NAV3: variants seen among roughly 807,000 people sequenced by gnomAD.
NAV3 encodes the protein pore membrane and/or filament interacting like protein 1.
In NAV3, 87 loss-of-function variants were observed where a neutral mutation model predicts 244.7. That is an observed-to-expected ratio of 0.36 (90% CI 0.30 to 0.42). NAV3 has a LOEUF of 0.42. Among genes scored for constraint, NAV3 ranks in the 20% least tolerant of loss-of-function variants. The probability of loss-of-function intolerance (pLI) is 1.00; values close to 1 mark genes in which losing one functional copy is unlikely to be tolerated. For synonymous variants in NAV3, 1,126 were observed against 1,042.2 expected, an observed-to-expected ratio of 1.08 and a Z score of -1.55; for missense variants, 2,663 against 2,893.3, an observed-to-expected ratio of 0.92 and a Z score of 1.83.
chr12:77,622,352 G>C (rs915631588), intron 2 of NAV3, among the ~76,000 whole-genome samples: 1 of 151,686 alleles, frequency 6.6e-6, no homozygotes. Context: ...GTAGAGACAG[G>C]GTTTCACCGT....
intron 22 of NAV3, among the ~76,000 whole-genome samples, chr12:78,153,223 G>A (rs1256141992): frequency 6.6e-6 from 1 of 151,974 alleles, no homozygotes; most frequent in African/African-American, 2.4e-5. Context: ...GCCCAAATGG[G>A]GTATGGTAAG....
intron 6 of NAV3, among the ~76,000 whole-genome samples, chr12:77,995,891 T>C (rs1391135549): frequency 6.6e-6 from 1 of 152,188 alleles, no homozygotes; most frequent in Non-Finnish European, 1.5e-5. Flanking sequence ...TTTTAAGTAC[T>C]GTATTTTGAT....
At chr12:78,008,569 GA>G (rs1274060446) in intron 8 of NAV3, among the ~76,000 whole-genome samples, 6 of 152,058 alleles carry the variant, frequency 3.9e-5, no homozygotes, top group African/African-American at 1.4e-4. Context: ...CTATAATTAA[GA>G]AAGGGTCAAA....
intron 2 of NAV3, among the ~76,000 whole-genome samples, chr12:77,689,822 G>A (rs1874923545): frequency 6.6e-6 from 1 of 151,742 alleles, no homozygotes; most frequent in South Asian, 2.1e-4. Context: ...AGTACTACTA[G>A]AATTTCATAA....
At chr12:77,797,507 C>T (rs895654039) in intron 2 of NAV3, among the ~76,000 whole-genome samples, 47 of 144,562 alleles carry the variant, frequency 3.3e-4, no homozygotes, top group African/African-American at 1.0e-3. Context: ...AAGTCTTAAA[C>T]GTAGAATCTT....
chr12:78,060,441 A>C (rs573871716), intron 12 of NAV3, among the ~76,000 whole-genome samples: 2 of 105,050 alleles, frequency 1.9e-5, no homozygotes, highest in South Asian at 6.1e-4. Context: ...TAGCCTATAT[A>C]CTCTTGTGTG....
chr12:78,148,840 A>C lies in NAV3; in HGVS notation c.4708-2A>C. ...TCCATTGATTTTTTTAATTGCATTC[A>C]GCAAATCCATAAACTGCGGAGAGAG... On this transcript the variant is annotated splice_acceptor_variant, in intron 21 of 39. Coordinates refer to ENST00000397909, the MANE Select transcript of NAV3 (RefSeq NM_001024383.2). LOFTEE classifies it high-confidence loss of function. The C allele has an allele frequency of 6.2e-7, 1 of 1,611,542 alleles. No homozygotes were observed. Among genetic ancestry groups the C allele is most frequent in the Non-Finnish European group, 8.5e-7 (1 of 1,178,692 alleles).
chr12:77,827,065 G>A (rs1314571225), upstream of NAV3, among the ~76,000 whole-genome samples: 2 of 151,646 alleles, frequency 1.3e-5, no homozygotes, highest in South Asian at 2.1e-4. Flanking sequence ...AAAAGCTGTC[G>A]CTACTAAAAA....
intron 2 of NAV3, among the ~76,000 whole-genome samples, chr12:77,710,054 C>T (rs1400241330): frequency 6.6e-6 from 1 of 152,124 alleles, no homozygotes; most frequent in East Asian, 1.9e-4. Flanking sequence ...CTATAGTAAT[C>T]TGTGTCTTAG....
Position 78,119,570 on chromosome 12 carries a change from T to G in NAV3, c.3374T>G (p.Leu1125Arg), listed in dbSNP as rs748904755. The G allele has an allele frequency of 6.2e-6, 10 of 1,614,186 alleles. No individual in the cohort carries two copies. Among genetic ancestry groups the G allele is most frequent in the African/African-American group, 1.3e-5 (1 of 75,050 alleles). Residue 1125 changes from leucine to arginine, a missense_variant, in exon 15 of 40, where the codon CTG (leucine) becomes CGG (arginine). This residue lies in a region of NAV3 where 1,521 missense variants were observed against 1,497.0 expected (regional missense o/e 1.02). Transcript: ENST00000397909. ...TCACAGAATCAGGATGATGTTGTGCTGCATGTTAGCTCAAAGACTACCCTA... is the reference window on the plus strand; with the variant it reads ...TCACAGAATCAGGATGATGTTGTGCGGCATGTTAGCTCAAAGACTACCCTA... ...DGSQNQDDVV[L>R]HVSSKTTLQY... is the part of the protein sequence containing the mutation.
intron 2 of NAV3, among the ~76,000 whole-genome samples, chr12:77,812,718 G>A (rs1872351986): frequency 6.6e-6 from 1 of 152,042 alleles, no homozygotes; most frequent in African/African-American, 2.4e-5. Context: ...GAGAGCCACT[G>A]CACCTGGTCA....
intron 1 of NAV3, among the ~76,000 whole-genome samples, chr12:77,843,206 C>T (rs1325592608): frequency 2.0e-5 from 3 of 151,964 alleles, no homozygotes; most frequent in African/African-American, 4.8e-5. Context: ...TGTGTGTTGC[C>T]TTCCTCCATT....
At chr12:77,848,150 A>G (rs1364213632) in intron 1 of NAV3, among the ~76,000 whole-genome samples, 1 of 152,226 alleles carries the variant, frequency 6.6e-6, no homozygotes, top group Non-Finnish European at 1.5e-5. Flanking sequence ...ACTTCAGAGC[A>G]CATTCTTTAG....
chr12:78,072,039 T>C (rs1244790051), intron 12 of NAV3, among the ~76,000 whole-genome samples: 1 of 152,142 alleles, frequency 6.6e-6, no homozygotes, highest in Non-Finnish European at 1.5e-5. Context: ...CAAAGCAGTG[T>C]GTAGTGGGAA....
chr12:78,203,954 C>A (rs186784400), intron 38 of NAV3, among the ~76,000 whole-genome samples: 1 of 150,406 alleles, frequency 6.6e-6, no homozygotes, highest in African/African-American at 2.4e-5. Flanking sequence ...TTATCTGATT[C>A]TTCCATTCCA....
At chr12:77,685,846 T>C (rs916142850) in intron 2 of NAV3, among the ~76,000 whole-genome samples, 1 of 152,236 alleles carries the variant, frequency 6.6e-6, no homozygotes, top group Admixed American at 6.5e-5. Context: ...TTAAACACAA[T>C]GAATACATTT....
At chr12:77,689,271 C>A (rs1426606939) in intron 2 of NAV3, among the ~76,000 whole-genome samples, 3 of 151,922 alleles carry the variant, frequency 2.0e-5, no homozygotes, top group Admixed American at 6.6e-5. Flanking sequence ...ACATTATATG[C>A]CAGTGTTCAA....
At chr12:77,715,818 A>G (rs1345711018) in intron 2 of NAV3, among the ~76,000 whole-genome samples, 1 of 151,948 alleles carries the variant, frequency 6.6e-6, no homozygotes, top group Non-Finnish European at 1.5e-5. Context: ...CTGAGAGTAA[A>G]AAAAAGTTAT....
At chr12:77,817,305 A>T (rs941030656) in intron 2 of NAV3, among the ~76,000 whole-genome samples, 1 of 152,176 alleles carries the variant, frequency 6.6e-6, no homozygotes, top group African/African-American at 2.4e-5. Context: ...CCTCTGTAAG[A>T]TTCACTTGTA....
Sources: allele counts gnomAD v4.1 joint callset (sites outside exome capture counted in the v4.1 genomes callset), GRCh38; gene constraint gnomAD v4.1.1; regional missense constraint gnomAD v4.1.1; transcripts MANE v1.5; gene names NCBI Gene and HGNC (gene_info 2026-07-23, HGNC 2026-07-21).